Variants in WFDC11 observed in about 807,000 individuals in gnomAD.
The protein encoded by WFDC11 is protein WFDC11.
A neutral mutation model predicts 9.9 loss-of-function variants in WFDC11; 9 were observed. That is an observed-to-expected ratio of 0.91 (90% CI 0.55 to 1.58). The LOEUF (loss-of-function observed/expected upper bound fraction) is 1.58. WFDC11 is among the 40% of genes most tolerant of loss of function. The pLI is 0.00. For missense variants in WFDC11, 106 were observed against 101.7 expected (o/e 1.04, Z -0.18); for synonymous variants, 32 against 33.3 (o/e 0.96, Z 0.13).
intron 2 of WFDC11, among the ~76,000 whole-genome samples, chr20:45,658,137 C>T (rs1453252059): frequency 6.6e-6 from 1 of 152,114 alleles, no homozygotes; most frequent in African/African-American, 2.4e-5. Context: ...CCCATGTAAT[C>T]ATCATCACAA....
intron 2 of WFDC11, among the ~76,000 whole-genome samples, chr20:45,666,732 A>G (rs1307568787): frequency 1.3e-5 from 2 of 152,212 alleles, no homozygotes; most frequent in Non-Finnish European, 2.9e-5. Flanking sequence ...ATGAAATTCA[A>G]ATTTTGGAAG....
At chr20:45,657,626 G>T (rs928254225) in intron 2 of WFDC11, among the ~76,000 whole-genome samples, 10 of 152,128 alleles carry the variant, frequency 6.6e-5, no homozygotes, top group African/African-American at 2.4e-4. Context: ...TGGTTTCACT[G>T]TTGAAACTAT....
At chr20:45,650,139 A>G (rs1982769210) in intron 3 of WFDC11, among the ~76,000 whole-genome samples, 1 of 152,178 alleles carries the variant, frequency 6.6e-6, no homozygotes, top group Admixed American at 6.5e-5. Flanking sequence ...GATTAGCTCT[A>G]TACTGACATC....
At chr20:45,663,341 G>A (rs932176656) in intron 2 of WFDC11, among the ~76,000 whole-genome samples, 5 of 151,502 alleles carry the variant, frequency 3.3e-5, no homozygotes, top group Non-Finnish European at 7.4e-5. Context: ...CAATGCTAGT[G>A]GTCTATCAAT....
rs1041315076 is a variant in WFDC11 at position 45,660,789 on chromosome 20, G to A, written c.-52+6299C>T. On this transcript the variant is annotated intron_variant, in intron 2 of 4. Coordinates refer to ENST00000324384, the MANE Select transcript of WFDC11 (RefSeq NM_147197.2). ...GCATAGTATTCCATGGTGTATATGT[G>A]CCACATTTTCTTAATCCAGTCTATC... 1.1e-4 allele frequency among the ~76,000 whole-genome samples: 17 copies of A among 152,200 alleles called. No individual in the cohort carries two copies. The East Asian group carries it at 2.5e-3, about 22-fold the overall frequency.
intron 2 of WFDC11, among the ~76,000 whole-genome samples, chr20:45,654,195 A>G (rs1411705251): frequency 3.3e-5 from 5 of 152,366 alleles, no homozygotes; most frequent in Non-Finnish European, 7.3e-5. Context: ...AGCACTCCTC[A>G]GCAAATGTAA....
chr20:45,667,611 C>A (rs985614913), intron 1 of WFDC11, among the ~76,000 whole-genome samples: 4 of 152,168 alleles, frequency 2.6e-5, no homozygotes, highest in Non-Finnish European at 5.9e-5. Flanking sequence ...AGATCTCTTC[C>A]AAGAGGGCTT....
intron 2 of WFDC11, among the ~76,000 whole-genome samples, chr20:45,657,659 AG>A (rs1266905851): frequency 1.3e-5 from 2 of 152,222 alleles, no homozygotes; most frequent in Non-Finnish European, 2.9e-5. Context: ...GCCATGAACA[AG>A]TACACTATTC....
intron 2 of WFDC11, among the ~76,000 whole-genome samples, chr20:45,666,263 G>A (rs901171669): frequency 3.9e-5 from 6 of 152,246 alleles, no homozygotes; most frequent in African/African-American, 1.4e-4. Flanking sequence ...TCTGCCAGTT[G>A]CTAAGACCTT....
At chr20:45,660,889 G>A (rs998947928) in intron 2 of WFDC11, among the ~76,000 whole-genome samples, 1 of 152,198 alleles carries the variant, frequency 6.6e-6, no homozygotes, top group Non-Finnish European at 1.5e-5. Context: ...GTGTGCATGT[G>A]TCTTTATAGC....
In WFDC11 at chr20:45,650,675, G is replaced by T. The variant is rs1982787715; in HGVS notation, c.-51-24C>A. The T allele has an allele frequency of 9.1e-6, 11 of 1,210,100 alleles. No individual in the cohort carries two copies. In the South Asian group the frequency reaches 1.2e-4, roughly 14 times the overall value. 75.0% of individuals were successfully genotyped at this position (1,210,100 alleles called of 1,614,324 possible). ...TGCTAGAGATCAAGACATATAAATAGGGAAAGAGAGGTGTGAAGCAAGAGA... is the reference window on the plus strand; with the variant it reads ...TGCTAGAGATCAAGACATATAAATATGGAAAGAGAGGTGTGAAGCAAGAGA... On this transcript the variant is annotated intron_variant, in intron 2 of 4. Coordinates refer to ENST00000324384, the MANE Select transcript of WFDC11 (RefSeq NM_147197.2).
chr20:45,662,214 CTGTT>C (rs1479920514), intron 2 of WFDC11, among the ~76,000 whole-genome samples: 7 of 152,136 alleles, frequency 4.6e-5, no homozygotes, highest in African/African-American at 1.7e-4. Context: ...ATTTGGCTCT[CTGTT>C]TGTCTGTTAT....
intron 2 of WFDC11, among the ~76,000 whole-genome samples, chr20:45,654,658 A>G (rs562958584): frequency 2.9e-4 from 44 of 152,292 alleles, no homozygotes; most frequent in Admixed American, 1.7e-3. Flanking sequence ...TTTTTTGAAA[A>G]GATCAACAAA....
chr20:45,652,826 G>A (rs535271896), intron 2 of WFDC11, among the ~76,000 whole-genome samples: 27 of 152,240 alleles, frequency 1.8e-4, no homozygotes, highest in Admixed American at 2.6e-4. Context: ...GGAAGAAAGG[G>A]TATCAGTGAT....
chr20:45,669,816 A>G (rs1983260433), intron 1 of WFDC11, among the ~76,000 whole-genome samples: 1 of 152,182 alleles, frequency 6.6e-6, no homozygotes, highest in South Asian at 2.1e-4. Flanking sequence ...AGAAATAACC[A>G]AAATTAGAGC....
chr20:45,658,344 AT>A (rs751098776), intron 2 of WFDC11, among the ~76,000 whole-genome samples: 2 of 152,116 alleles, frequency 1.3e-5, no homozygotes, highest in Admixed American at 6.6e-5. Context: ...TATAACTGAA[AT>A]TTTGTGCCCT....
intron 2 of WFDC11, among the ~76,000 whole-genome samples, chr20:45,660,177 T>C (rs6065854): frequency 0.19 from 29,662 of 152,124 alleles, 3,197 homozygotes; most frequent in East Asian, 0.32. Flanking sequence ...CTGTTAGCAC[T>C]GCCTTTGCTT....
chr20:45,665,924 A>G (rs1222907525), intron 2 of WFDC11, among the ~76,000 whole-genome samples: 1 of 152,160 alleles, frequency 6.6e-6, no homozygotes, highest in Admixed American at 6.5e-5. Flanking sequence ...GAGCTCAAAC[A>G]CCATGCTGGG....
intron 3 of WFDC11, 50 bp from the exon 4 acceptor site, chr20:45,649,449 A>G: frequency 6.3e-7 from 1 of 1,596,364 alleles, no homozygotes; most frequent in South Asian, 1.1e-5. Flanking sequence ...TTCAGCCAAG[A>G]GCGGAAAGAA....
Sources: allele counts gnomAD v4.1 joint callset (sites outside exome capture counted in the v4.1 genomes callset), GRCh38; gene constraint gnomAD v4.1.1; transcripts MANE v1.5; gene names NCBI Gene and HGNC (gene_info 2026-07-23, HGNC 2026-07-21).